Variants in DAP3 observed in about 807,000 individuals in gnomAD.
The protein encoded by DAP3 is small ribosomal subunit protein mS29.
In DAP3, 28 loss-of-function variants were observed where a neutral mutation model predicts 51.9. That is an observed-to-expected ratio of 0.54 (90% confidence interval 0.40 to 0.74). The LOEUF is 0.74. DAP3 is among the 30% of genes least tolerant of loss of function. DAP3 has a pLI of 0.00. For synonymous variants in DAP3, 170 were observed against 170.3 expected (o/e 1.00, Z 0.01); for missense variants, 458 against 483.5 (o/e 0.95, Z 0.49).
chr1:155,698,224 TTAAAG>T (rs200019201), intron 1 of DAP3, among the ~76,000 whole-genome samples: 5,578 of 152,158 alleles, frequency 0.037, 371 homozygotes, highest in African/African-American at 0.13. Context: ...GATTAAGAGA[TTAAAG>T]TAAAGACAGG....
intron 1 of DAP3, among the ~76,000 whole-genome samples, chr1:155,706,258 C>T (rs774008477): frequency 6.6e-5 from 10 of 152,220 alleles, no homozygotes; most frequent in South Asian, 2.1e-4. Context: ...TTCTCATCCC[C>T]GCCTCCCAAA....
intron 11 of DAP3, among the ~76,000 whole-genome samples, chr1:155,736,163 A>G (rs1247062019): frequency 6.6e-6 from 1 of 151,636 alleles, no homozygotes; most frequent in Non-Finnish European, 1.5e-5. Context: ...TAGTAGAGAC[A>G]GTAATTTTGT....
At chr1:155,732,648 T>C (rs1659366590) in intron 11 of DAP3, among the ~76,000 whole-genome samples, 3 of 152,200 alleles carry the variant, frequency 2.0e-5, no homozygotes, top group African/African-American at 7.2e-5. Flanking sequence ...TTTTACCTAA[T>C]TGGTGGGATT....
chr1:155,711,587 T>TG (rs1242270125), intron 2 of DAP3, among the ~76,000 whole-genome samples: 2 of 151,796 alleles, frequency 1.3e-5, no homozygotes, highest in East Asian at 1.9e-4. Context: ...AGTTTTGTTT[T>TG]TTTTTTTTTA....
At chr1:155,725,752 T>C (rs1390893107) in intron 5 of DAP3, among the ~76,000 whole-genome samples, 175 bp from the exon 6 acceptor site, 3 of 152,100 alleles carry the variant, frequency 2.0e-5, no homozygotes, top group Non-Finnish European at 1.5e-5. Flanking sequence ...TAATCCCAGC[T>C]ACTTGGGAAG....
intron 2 of DAP3, among the ~76,000 whole-genome samples, chr1:155,714,388 G>A (rs1372375781): frequency 6.6e-6 from 1 of 152,096 alleles, no homozygotes; most frequent in African/African-American, 2.4e-5. Flanking sequence ...TAGATTAGTC[G>A]AAGGTTAAAC....
At chr1:155,735,427 A>C (rs1001191801) in intron 11 of DAP3, among the ~76,000 whole-genome samples, 4 of 151,882 alleles carry the variant, frequency 2.6e-5, no homozygotes, top group Non-Finnish European at 5.9e-5. Context: ...AATACAAAAA[A>C]TTAGCTGGGC....
chr1:155,689,128 C>A lies in DAP3; in HGVS notation c.-54C>A. The A allele has an allele frequency of 9.9e-7, 1 of 1,008,130 alleles. No homozygotes were observed. The highest frequency in any genetic ancestry group is 1.5e-6 in the Non-Finnish European group (1 of 670,958). The allele number at this position is 1,008,130 out of a possible 1,614,324, so 62.4% of individuals were successfully genotyped here. A position where few individuals can be genotyped will look rare whatever the true frequency, so the allele number is the denominator to read the frequency against. ...CGGGCGCTTTGGAGCCGGCCCCAGGCAGCGTGTGTCGGTCGCCTAGTCTGG... is the reference window on the plus strand; with the variant it reads ...CGGGCGCTTTGGAGCCGGCCCCAGGAAGCGTGTGTCGGTCGCCTAGTCTGG... On this transcript the variant is annotated 5_prime_UTR_variant, in exon 1 of 13. Transcript: ENST00000368336.
chr1:155,724,661 AAAAAT>A (rs1190488776), intron 4 of DAP3, among the ~76,000 whole-genome samples: 1 of 150,378 alleles, frequency 6.6e-6, no homozygotes, highest in Non-Finnish European at 1.5e-5. Flanking sequence ...AAAATCAACT[AAAAAT>A]AAATTTTAGG....
At chr1:155,713,655 A>C (rs906119028) in intron 2 of DAP3, among the ~76,000 whole-genome samples, 1 of 152,194 alleles carries the variant, frequency 6.6e-6, no homozygotes, top group African/African-American at 2.4e-5. Flanking sequence ...CATGTGTAAG[A>C]TAACATGATA....
At chr1:155,704,103 T>C (rs1393340098) in intron 1 of DAP3, among the ~76,000 whole-genome samples, 3 of 152,124 alleles carry the variant, frequency 2.0e-5, no homozygotes, top group African/African-American at 4.8e-5. Flanking sequence ...GCCTAGATTG[T>C]GCCACTGCAC....
intron 1 of DAP3, among the ~76,000 whole-genome samples, chr1:155,690,526 C>T (rs1169290562): frequency 7.1e-6 from 1 of 141,282 alleles, no homozygotes; most frequent in Admixed American, 6.6e-5. Context: ...GGTGACAGAG[C>T]GAGACCCTGT....
intron 9 of DAP3, among the ~76,000 whole-genome samples, chr1:155,730,497 C>A (rs1237596039): frequency 2.6e-5 from 4 of 151,940 alleles, no homozygotes; most frequent in Admixed American, 1.3e-4. Flanking sequence ...CTGTATGTAG[C>A]TCCAGCTACT....
intron 10 of DAP3, 127 bp from the exon 11 acceptor site, chr1:155,731,816 TA>T (rs1659264402): frequency 2.3e-6 from 2 of 868,672 alleles, no homozygotes; most frequent in Admixed American, 6.7e-5. Context: ...AGTTGCCATT[TA>T]ACTGTGCTAG....
upstream of DAP3, chr1:155,689,007 T>C: frequency 6.3e-7 from 1 of 1,595,922 alleles, no homozygotes; most frequent in Non-Finnish European, 8.5e-7. Flanking sequence ...GAGGGCGGCC[T>C]AGCGCCCCTC....
chr1:155,688,337 C>A (rs1295933275), upstream of DAP3: 7 of 1,550,418 alleles, frequency 4.5e-6, no homozygotes, highest in Admixed American at 9.8e-5. Context: ...GCAGCGGCGG[C>A]AGCAGAGTGG....
At chr1:155,691,485 T>A (rs1653814890) in intron 1 of DAP3, among the ~76,000 whole-genome samples, 1 of 142,278 alleles carries the variant, frequency 7.0e-6, no homozygotes, top group Non-Finnish European at 1.5e-5. Flanking sequence ...TTATGTTTAT[T>A]CATCAATTGA....
At chr1:155,722,030 G>A (rs1658074014) in intron 4 of DAP3, 3 of 218,634 alleles carry the variant, frequency 1.4e-5, no homozygotes, top group East Asian at 9.8e-5. Context: ...AAACTTGCCT[G>A]TGCAGGTGAG....
At chr1:155,711,352 G>A (rs1249380338) in intron 2 of DAP3, among the ~76,000 whole-genome samples, 3 of 152,116 alleles carry the variant, frequency 2.0e-5, no homozygotes, top group East Asian at 1.9e-4. Flanking sequence ...AATTAGCTGC[G>A]TGTGGTGGCA....
Sources: gnomAD v4.1 joint callset for allele counts (sites outside exome capture counted in the v4.1 genomes callset) on GRCh38, gnomAD v4.1.1 for gene constraint, MANE v1.5 for transcripts, NCBI Gene and HGNC (gene_info 2026-07-23, HGNC 2026-07-21) for gene names.